The following FRK variants were observed in gnomAD, a reference collection of about 807,000 sequenced individuals.
FRK encodes tyrosine-protein kinase FRK.
Under a neutral mutation model 56.4 loss-of-function variants are expected in FRK, and 51 were observed. The ratio of observed to expected loss-of-function variants is 0.90; its 90% CI spans 0.72 to 1.14. The LOEUF (loss-of-function observed/expected upper bound fraction) is 1.14, where lower values mean the gene tolerates loss of function less well. FRK is among the 50% of genes most tolerant of loss of function. FRK has a pLI of 0.00. For missense variants in FRK, 570 were observed against 601.4 expected (o/e 0.95, Z 0.55); for synonymous variants, 245 against 217.9 (o/e 1.12, Z -1.10).
At position 115,932,387 on chromosome 6, in the gene FRK, A is replaced by C. The variant is rs538169449; in HGVS notation, c.*10027T>G. 2 of 152,360 alleles carry C rather than the reference A, an allele frequency of 1.3e-5. No homozygotes were observed. Among genetic ancestry groups the C allele is most frequent in the African/African-American group, 4.8e-5 (2 of 41,590 alleles). 9.4% of individuals were successfully genotyped at this position (152,360 alleles called of 1,614,324 possible). A position where few individuals can be genotyped will look rare whatever the true frequency, so the allele number is the denominator to read the frequency against. On this transcript the variant is annotated 3_prime_UTR_variant, in exon 8 of 8. Transcript: ENST00000606080. ...TCCTATGACACTGAATATTTGCATCATGTTGAAGATTATAGACTGAATCTT... is the reference window on the plus strand; with the variant it reads ...TCCTATGACACTGAATATTTGCATCCTGTTGAAGATTATAGACTGAATCTT...
At chr6:116,035,416 T>A (rs1261744197) in intron 1 of FRK, among the ~76,000 whole-genome samples, 1 of 152,024 alleles carries the variant, frequency 6.6e-6, no homozygotes, top group African/African-American at 2.4e-5. Context: ...CATTATAACA[T>A]TTCTAACAGT....
chr6:115,960,395 C>A (rs1300761026), intron 4 of FRK, among the ~76,000 whole-genome samples: 1 of 150,836 alleles, frequency 6.6e-6, no homozygotes, highest in Non-Finnish European at 1.5e-5. Context: ...GAGGGTCCTA[C>A]GCCCACGGAA....
the FRK span, among the ~76,000 whole-genome samples, chr6:116,070,127 CATTA>C: frequency 5.4e-4 from 79 of 145,084 alleles, no homozygotes; most frequent in Admixed American, 1.2e-3. Flanking sequence ...GGAAACAGCC[CATTA>C]TTTAAAAAAA....
At chr6:116,074,672 CT>C in the FRK span, among the ~76,000 whole-genome samples, 39 of 152,252 alleles carry the variant, frequency 2.6e-4, no homozygotes, top group African/African-American at 9.4e-4. Flanking sequence ...GAGATTATTT[CT>C]TTGCATAGAA....
intron 4 of FRK, among the ~76,000 whole-genome samples, chr6:115,958,025 G>T (rs908321617): frequency 3.9e-5 from 6 of 152,244 alleles, no homozygotes; most frequent in African/African-American, 1.2e-4. Context: ...GGAAGAAAAA[G>T]GACAAGGACT....
rs1021334670 is a variant in FRK at position 115,942,149 on chromosome 6, T to G, written c.*265A>C. ...CAAACAATAAATGGAAATGTAAGTA[T>G]CTCTTAAAAAGAAAAATAACTTGGT... On this transcript the variant is annotated 3_prime_UTR_variant, in exon 8 of 8. Transcript: ENST00000606080. 1.1e-4 allele frequency: 36 copies of G among 322,728 alleles called. No homozygotes were observed. The highest frequency in any genetic ancestry group is 2.0e-3 in the Middle Eastern group (2 of 998). 20.0% of individuals were successfully genotyped at this position (322,728 alleles called of 1,614,324 possible).
intron 5 of FRK, among the ~76,000 whole-genome samples, chr6:115,953,180 ATTTTTTTTT>A (rs1554224845): frequency 5.8e-5 from 6 of 104,032 alleles, no homozygotes; most frequent in African/African-American, 7.3e-5. Context: ...TTTTAAGGCC[ATTTTTTTTT>A]TTTTTTTTTT....
At chr6:115,953,006 G>A (rs1200308610) in intron 5 of FRK, among the ~76,000 whole-genome samples, 1 of 151,142 alleles carries the variant, frequency 6.6e-6, no homozygotes, top group African/African-American at 2.4e-5. Flanking sequence ...ACACCAGCAT[G>A]GCACATGTAT....
chr6:116,087,603 TAC>T, the FRK span, among the ~76,000 whole-genome samples: 2 of 152,228 alleles, frequency 1.3e-5, no homozygotes, highest in African/African-American at 2.4e-5. Flanking sequence ...GGGCAGAGAA[TAC>T]AGAGTAGCCC....
chr6:116,047,688 C>G (rs1562304267), intron 1 of FRK, among the ~76,000 whole-genome samples: 1 of 152,052 alleles, frequency 6.6e-6, no homozygotes, highest in Non-Finnish European at 1.5e-5. Context: ...CTGATCTTAG[C>G]TGGGCTTGCT....
At chr6:115,975,603 A>G (rs9488817) in intron 2 of FRK, among the ~76,000 whole-genome samples, 1,731 of 152,134 alleles carry the variant, frequency 0.011, 37 homozygotes, top group African/African-American at 0.04. Flanking sequence ...AGCCTATTCC[A>G]TTTCCTACAG....
At chr6:115,979,136 T>G (rs1166257619) in intron 2 of FRK, among the ~76,000 whole-genome samples, 1 of 151,880 alleles carries the variant, frequency 6.6e-6, no homozygotes, top group African/African-American at 2.4e-5. Flanking sequence ...TAAAACAGCC[T>G]CAGGCAGGTT....
At position 115,958,808 on chromosome 6, in the gene FRK, AAG is replaced by A. The variant is rs1773202011; in HGVS notation, c.800-2200_800-2199del. On this transcript the variant is annotated intron_variant, in intron 4 of 7. Coordinates refer to ENST00000606080, the MANE Select transcript of FRK (RefSeq NM_002031.3). ...AGAGAGAAAGAAAGAAAAAGAAAGA[AAG>A]AAAGAAAGAAAAAGAAAGAAAGAAA... Among the ~76,000 whole-genome samples the A allele has an allele frequency of 5.9e-5, 5 of 84,078 alleles. 1 individual carries two copies. The highest frequency in any genetic ancestry group is 5.9e-4 in the Admixed American group (5 of 8,450). The allele number at this position is 84,078 out of a possible 152,430, so 55.2% of individuals were successfully genotyped here. A position where few individuals can be genotyped will look rare whatever the true frequency, so the allele number is the denominator to read the frequency against.
Position 115,942,259 on chromosome 6 carries a change from CAAAT to C in FRK, c.*151_*154del, listed in dbSNP as rs752276785. 6.2e-6 allele frequency: 4 copies of C among 641,442 alleles called. No individual in the cohort carries two copies. The East Asian group carries it at 8.5e-5, about 14-fold the overall frequency. 39.7% of individuals were successfully genotyped at this position (641,442 alleles called of 1,614,324 possible). On this transcript the variant is annotated 3_prime_UTR_variant, in exon 8 of 8. Transcript: ENST00000606080. ...AGTGTTGCCCAGTCAATAAAATGCA[CAAAT>C]AATCTTTTTCATAATACATGGCCAA...
At chr6:116,000,273 C>T (rs35746600) in intron 2 of FRK, among the ~76,000 whole-genome samples, 40,421 of 112,458 alleles carry the variant, frequency 0.36, 7,678 homozygotes, top group Middle Eastern at 0.58. Context: ...GACGGAGTCT[C>T]GCTCTGTCAC....
At chr6:116,070,332 G>T in the FRK span, among the ~76,000 whole-genome samples, 1 of 151,942 alleles carries the variant, frequency 6.6e-6, no homozygotes, top group Non-Finnish European at 1.5e-5. Flanking sequence ...GGGCTGCATG[G>T]GTAAAGAACT....
chr6:115,980,447 T>C (rs1015071285), intron 2 of FRK, among the ~76,000 whole-genome samples: 4 of 152,156 alleles, frequency 2.6e-5, no homozygotes. Context: ...CCTAGAGCCC[T>C]GTACTACTAA....
At chr6:116,012,970 G>T (rs1775526853) in intron 1 of FRK, among the ~76,000 whole-genome samples, 1 of 152,140 alleles carries the variant, frequency 6.6e-6, no homozygotes, top group Non-Finnish European at 1.5e-5. Flanking sequence ...CTGTACACAT[G>T]TAAAAAATTT....
chr6:116,069,792 C>T, the FRK span, among the ~76,000 whole-genome samples: 4 of 152,226 alleles, frequency 2.6e-5, no homozygotes, highest in Admixed American at 2.6e-4. Context: ...CCTCCTGTCT[C>T]TCTCACCTTT....
Sources: allele counts gnomAD v4.1 joint callset (sites outside exome capture counted in the v4.1 genomes callset), GRCh38; gene constraint gnomAD v4.1.1; transcripts MANE v1.5; gene names NCBI Gene and HGNC (gene_info 2026-07-23, HGNC 2026-07-21).